CAMK2A: variants seen among roughly 807,000 people sequenced by gnomAD.
The protein encoded by CAMK2A is calcium/calmodulin-dependent protein kinase type II subunit alpha.
Under a neutral mutation model 79.2 loss-of-function variants are expected in CAMK2A, and 7 were observed. The observed-to-expected ratio is 0.09, with a 90% confidence interval of 0.05 to 0.17. The LOEUF (loss-of-function observed/expected upper bound fraction) is 0.17, where lower values mean the gene tolerates loss of function less well. Ranked by LOEUF, CAMK2A falls within the 10% of genes least tolerant of loss-of-function variation. The pLI is 1.00. For synonymous variants in CAMK2A, 242 were observed against 251.7 expected (o/e 0.96, Z 0.36); for missense variants, 214 against 646.4 (o/e 0.33, Z 7.25).
chr5:150,251,650 G>A (rs1216698292), intron 9 of CAMK2A, 100 bp downstream of exon 9: 2 of 844,258 alleles, frequency 2.4e-6, no homozygotes, highest in African/African-American at 1.7e-5. Context: ...TGCTCCCCTG[G>A]GGTTCACCCC....
chr5:150,258,869 G>A (rs1756177929), intron 3 of CAMK2A, among the ~76,000 whole-genome samples: 1 of 152,206 alleles, frequency 6.6e-6, no homozygotes, highest in Non-Finnish European at 1.5e-5. Context: ...GATGGAGAGG[G>A]AAGGGGCACA....
At chr5:150,260,861 T>C (rs977861508) in intron 3 of CAMK2A, among the ~76,000 whole-genome samples, 2 of 152,252 alleles carry the variant, frequency 1.3e-5, no homozygotes, top group East Asian at 1.9e-4. Flanking sequence ...CCTGCCTTCC[T>C]CCACGTGGTC....
chr5:150,283,827 C>A (rs1213888157), intron 1 of CAMK2A, among the ~76,000 whole-genome samples: 4 of 152,096 alleles, frequency 2.6e-5, no homozygotes, highest in African/African-American at 9.7e-5. Context: ...GTACCCCGCC[C>A]AGGAAATACC....
Position 150,265,091 on chromosome 5 carries a change from C to G in CAMK2A, c.158-76G>C, listed in dbSNP as rs549000558. The G allele has an allele frequency of 3.6e-6, 4 of 1,121,030 alleles. No homozygotes were observed. The South Asian group carries it at 5.1e-5, about 14-fold the overall frequency. 69.4% of individuals were successfully genotyped at this position (1,121,030 alleles called of 1,614,324 possible). A position where few individuals can be genotyped will look rare whatever the true frequency, so the allele number is the denominator to read the frequency against. ...CTCCATCTCCCCCTTCTCAAAGCCT[C>G]GTATTATCTCCACCTCCCAGGGCAG... On this transcript the variant is annotated intron_variant, in intron 2 of 18. Coordinates refer to ENST00000671881, the MANE Select transcript of CAMK2A (RefSeq NM_015981.4).
At position 150,289,735 on chromosome 5, in the gene CAMK2A, A is replaced by C. The variant is rs1757586106; in HGVS notation, c.-110T>G. The C allele has an allele frequency of 1.2e-6, 1 of 825,416 alleles. No individual in the cohort carries two copies. The highest frequency in any genetic ancestry group is 2.0e-5 in the Admixed American group (1 of 48,938). 51.1% of individuals were successfully genotyped at this position (825,416 alleles called of 1,614,324 possible). A position where few individuals can be genotyped will look rare whatever the true frequency, so the allele number is the denominator to read the frequency against. On this transcript the variant is annotated 5_prime_UTR_variant, in exon 1 of 19. Transcript: ENST00000671881. ...CTTGCCTGCCCGTGCTGCCGAGTGC[A>C]AACAGAGAACCGGTTTGACTGACGA...
chr5:150,224,248 G>A (rs1754487973), intron 17 of CAMK2A, among the ~76,000 whole-genome samples: 1 of 152,188 alleles, frequency 6.6e-6, no homozygotes, highest in African/African-American at 2.4e-5. Context: ...GGAGGGGTTG[G>A]ACAGTGGTGA....
intron 3 of CAMK2A, among the ~76,000 whole-genome samples, chr5:150,261,469 C>T (rs1283995950): frequency 1.3e-5 from 2 of 152,154 alleles, no homozygotes; most frequent in African/African-American, 2.4e-5. Flanking sequence ...CGTGTCCGTG[C>T]CCATTGAGTC....
At chr5:150,257,315 A>G (rs776933945) in intron 4 of CAMK2A, among the ~76,000 whole-genome samples, 1 of 152,248 alleles carries the variant, frequency 6.6e-6, no homozygotes, top group African/African-American at 2.4e-5. Flanking sequence ...TTATATTGCC[A>G]CTGAAAATGG....
intron 16 of CAMK2A, among the ~76,000 whole-genome samples, chr5:150,230,845 G>A (rs750995976): frequency 7.9e-5 from 12 of 152,322 alleles, no homozygotes; most frequent in African/African-American, 2.9e-4. Context: ...CTGAAGGGAC[G>A]TGCCCTGTGG....
intron 3 of CAMK2A, among the ~76,000 whole-genome samples, chr5:150,261,670 G>A (rs1009135720): frequency 1.3e-5 from 2 of 152,114 alleles, no homozygotes; most frequent in Admixed American, 1.3e-4. Flanking sequence ...CCATATATGT[G>A]ATATCCACTT....
chr5:150,279,028 C>T (rs1757097180), intron 1 of CAMK2A, among the ~76,000 whole-genome samples: 1 of 152,112 alleles, frequency 6.6e-6, no homozygotes, highest in Non-Finnish European at 1.5e-5. Flanking sequence ...CAGTGAGGGC[C>T]GCAGTCTCTT....
At chr5:150,227,989 A>G (rs992211913) in intron 17 of CAMK2A, among the ~76,000 whole-genome samples, 1 of 152,254 alleles carries the variant, frequency 6.6e-6, no homozygotes, top group East Asian at 1.9e-4. Flanking sequence ...CCCATCTTCA[A>G]CCACAGGAGG....
chr5:150,224,762 C>T (rs1231434252), intron 17 of CAMK2A, among the ~76,000 whole-genome samples: 1 of 152,038 alleles, frequency 6.6e-6, no homozygotes, highest in Non-Finnish European at 1.5e-5. Context: ...TGGAGGCATA[C>T]AAGACCAACA....
At chr5:150,278,369 T>G (rs933413045) in intron 1 of CAMK2A, among the ~76,000 whole-genome samples, 4 of 149,908 alleles carry the variant, frequency 2.7e-5, no homozygotes, top group Admixed American at 6.6e-5. Flanking sequence ...CCCTTTTTTA[T>G]CTTCTGTTTA....
chr5:150,246,056 A>T (rs1562157935), intron 12 of CAMK2A, among the ~76,000 whole-genome samples: 1 of 152,254 alleles, frequency 6.6e-6, no homozygotes, highest in Non-Finnish European at 1.5e-5. Flanking sequence ...TAAGCCGCAC[A>T]TGCTCAGGAA....
intron 12 of CAMK2A, 121 bp downstream of exon 12, chr5:150,247,651 G>T (rs1755628817): frequency 1.3e-6 from 1 of 744,858 alleles, no homozygotes; most frequent in Admixed American, 2.6e-5. Context: ...TAGTCACAGA[G>T]TCCTCTACAA....
At chr5:150,277,251 A>T (rs115410471) in intron 1 of CAMK2A, among the ~76,000 whole-genome samples, 3,849 of 152,272 alleles carry the variant, frequency 0.025, 157 homozygotes, top group African/African-American at 0.083. Flanking sequence ...TCCCACCCAC[A>T]CCTCCTAAAT....
intron 2 of CAMK2A, among the ~76,000 whole-genome samples, chr5:150,272,480 G>A (rs1385357327): frequency 6.6e-6 from 1 of 151,748 alleles, no homozygotes; most frequent in Non-Finnish European, 1.5e-5. Flanking sequence ...GCTGAGGCAG[G>A]AGAATCGCTT....
rs55696902 is a variant in CAMK2A at position 150,245,182 on chromosome 5, G to A, written c.963C>T (p.Asn321=). ...TTACCTTCACACCATCGCTCTTCTT[G>A]TTTCCCCCACTCTTCCCTCCTGTGG... The part of the protein sequence containing the change: ...RNFSGGKSGG[N]KKSDGVKKRK... The change falls in exon 13 of 19, where the codon AAC becomes AAT. Residue 321 remains asparagine (N), a synonymous_variant. Transcript: ENST00000671881. 3.9e-5 allele frequency: 63 copies of A among 1,613,846 alleles called. No homozygotes were observed. Among genetic ancestry groups the A allele is most frequent in the Non-Finnish European group, 5.3e-5 (63 of 1,179,940 alleles).
Sources: allele counts gnomAD v4.1 joint callset (sites outside exome capture counted in the v4.1 genomes callset), GRCh38; gene constraint gnomAD v4.1.1; transcripts MANE v1.5; gene names NCBI Gene and HGNC (gene_info 2026-07-23, HGNC 2026-07-21).